Variants in ANXA10 observed in about 807,000 individuals in gnomAD.
The protein encoded by ANXA10 is annexin A10, also known as annexin 14.
Under a neutral mutation model 53.5 loss-of-function variants are expected in ANXA10, and 49 were observed. The ratio of observed to expected loss-of-function variants is 0.92; its 90% CI spans 0.73 to 1.16. ANXA10 has a LOEUF of 1.16. Ranked by LOEUF, ANXA10 falls within the 50% of genes most tolerant of loss-of-function variation. The pLI, the probability that ANXA10 is intolerant of heterozygous loss-of-function variation, is 0.00. For missense variants in ANXA10, 393 were observed against 394.4 expected, an observed-to-expected ratio of 1.00 and a Z score of 0.03; for synonymous variants, 131 against 128.9, an observed-to-expected ratio of 1.02 and a Z score of -0.11.
At chr4:168,095,045 TATA>T (rs1437158245) in intron 1 of ANXA10, among the ~76,000 whole-genome samples, 5 of 152,082 alleles carry the variant, frequency 3.3e-5, no homozygotes, top group Non-Finnish European at 7.4e-5. Flanking sequence ...AAGATATTAT[TATA>T]ATATTATAAT....
intron 6 of ANXA10, among the ~76,000 whole-genome samples, chr4:168,166,648 G>A (rs1159643831): frequency 7.4e-6 from 1 of 135,002 alleles, no homozygotes; most frequent in African/African-American, 3.7e-5. Context: ...GTGTGTGTGT[G>A]TGTGTGTGTG....
At chr4:168,133,619 T>C (rs1731189541) in intron 2 of ANXA10, among the ~76,000 whole-genome samples, 1 of 152,122 alleles carries the variant, frequency 6.6e-6, no homozygotes, top group Non-Finnish European at 1.5e-5. Context: ...TAGTTTTCAA[T>C]GCTAACAAGA....
At chr4:168,143,228 T>G (rs2149472782) in intron 3 of ANXA10, among the ~76,000 whole-genome samples, 1 of 152,346 alleles carries the variant, frequency 6.6e-6, no homozygotes, top group East Asian at 1.9e-4. Context: ...TTCTTCCACC[T>G]GGCCAAGGTG....
chr4:168,094,256 A>G (rs1730508782), intron 1 of ANXA10, among the ~76,000 whole-genome samples: 2 of 152,194 alleles, frequency 1.3e-5, no homozygotes, highest in South Asian at 4.1e-4. Flanking sequence ...AAGCAAATAA[A>G]GAAAACTGAA....
At chr4:168,111,528 A>G (rs575230555) in intron 1 of ANXA10, among the ~76,000 whole-genome samples, 3 of 152,330 alleles carry the variant, frequency 2.0e-5, no homozygotes, top group African/African-American at 7.2e-5. Context: ...CACTTTACAG[A>G]GGACACAACA....
At position 168,158,606 on chromosome 4, in the gene ANXA10, G is replaced by A. The variant is rs142742697; in HGVS notation, c.196-3922G>A. 3.1e-3 allele frequency among the ~76,000 whole-genome samples: 465 copies of A among 152,226 alleles called. 2 individuals are homozygous for A. Among genetic ancestry groups the A allele is most frequent in the Middle Eastern group, 0.01 (3 of 294 alleles). On this transcript the variant is annotated intron_variant, in intron 3 of 11. Coordinates refer to ENST00000359299, the MANE Select transcript of ANXA10 (RefSeq NM_007193.5). ...AAATTGAAATAGAATATATCAGTAAGAGCAGACATCCTTGCCTTGTTCTCA... is the reference window on the plus strand; with the variant it reads ...AAATTGAAATAGAATATATCAGTAAAAGCAGACATCCTTGCCTTGTTCTCA...
chr4:168,099,905 G>T (rs1304830805), intron 1 of ANXA10, among the ~76,000 whole-genome samples: 1 of 152,086 alleles, frequency 6.6e-6, no homozygotes, highest in African/African-American at 2.4e-5. Context: ...TAAACTGTCT[G>T]CCAACAATAA....
chr4:168,149,226 C>T (rs1731454937), intron 3 of ANXA10, among the ~76,000 whole-genome samples: 1 of 152,180 alleles, frequency 6.6e-6, no homozygotes, highest in African/African-American at 2.4e-5. Context: ...TCCACATTCT[C>T]TCCTACTGTA....
At chr4:168,127,687 C>A (rs1731090287) in intron 1 of ANXA10, 3 of 413,594 alleles carry the variant, frequency 7.3e-6, no homozygotes, top group East Asian at 1.3e-4. Context: ...TGAACTCAAC[C>A]AAATTTTCTC....
intron 3 of ANXA10, among the ~76,000 whole-genome samples, chr4:168,146,115 G>T (rs770697626): frequency 5.3e-5 from 8 of 152,064 alleles, no homozygotes; most frequent in Non-Finnish European, 1.0e-4. Context: ...CACCATGTTG[G>T]CCAGGCTGGT....
chr4:168,158,450 C>T (rs1004806211), intron 3 of ANXA10, among the ~76,000 whole-genome samples: 1 of 152,072 alleles, frequency 6.6e-6, no homozygotes, highest in Non-Finnish European at 1.5e-5. Context: ...ATCATTTTTT[C>T]ATATATTGTT....
At chr4:168,097,844 C>T (rs1730576921) in intron 1 of ANXA10, among the ~76,000 whole-genome samples, 1 of 152,018 alleles carries the variant, frequency 6.6e-6, no homozygotes, top group African/African-American at 2.4e-5. Context: ...TAAAAGTCAG[C>T]AAAGAGGATA....
At chr4:168,097,053 G>A (rs1730561197) in intron 1 of ANXA10, among the ~76,000 whole-genome samples, 1 of 151,418 alleles carries the variant, frequency 6.6e-6, no homozygotes, top group South Asian at 2.1e-4. Flanking sequence ...TATATTTTCT[G>A]TTGTACTTAG....
intron 3 of ANXA10, among the ~76,000 whole-genome samples, chr4:168,149,369 C>T (rs1333090857): frequency 6.6e-6 from 1 of 152,140 alleles, no homozygotes; most frequent in East Asian, 1.9e-4. Context: ...TGTATTTTCC[C>T]AATGTGCTGA....
chr4:168,157,838 T>C (rs1228075382), intron 3 of ANXA10, among the ~76,000 whole-genome samples: 3 of 152,234 alleles, frequency 2.0e-5, no homozygotes, highest in Non-Finnish European at 4.4e-5. Context: ...TATACCAATA[T>C]TTGTTTATTC....
intron 6 of ANXA10, among the ~76,000 whole-genome samples, chr4:168,168,573 C>T (rs963908876): frequency 2.6e-5 from 4 of 152,120 alleles, no homozygotes; most frequent in African/African-American, 9.7e-5. Context: ...GCACGTGCCA[C>T]CAAGCCCAGC....
chr4:168,107,047 C>T (rs184710555), intron 1 of ANXA10, among the ~76,000 whole-genome samples: 7 of 152,148 alleles, frequency 4.6e-5, no homozygotes, highest in Non-Finnish European at 1.0e-4. Flanking sequence ...GAATACTATC[C>T]CCCACATTGC....
intron 10 of ANXA10, among the ~76,000 whole-genome samples, chr4:168,184,261 T>C (rs2149482603): frequency 6.6e-6 from 1 of 152,230 alleles, no homozygotes; most frequent in South Asian, 2.1e-4. Context: ...GGAGCAACTA[T>C]TGCAGAATCA....
At position 168,139,599 on chromosome 4, in the gene ANXA10, G is replaced by T. The variant is rs780267773; in HGVS notation, c.195+19G>T. The stretch of plus-strand genomic sequence containing the variant: ...TGGCCGGGTAAGGCCACTTTATCTT[G>T]ACCTATTTCTAGGGCAATCTCTTGA... On this transcript the variant is annotated intron_variant, in intron 3 of 11. Transcript: ENST00000359299. 3.1e-6 allele frequency: 5 copies of T among 1,591,032 alleles called. No homozygotes were observed. The South Asian group carries it at 4.5e-5, about 14-fold the overall frequency.
Sources: gnomAD v4.1 joint callset for allele counts (sites outside exome capture counted in the v4.1 genomes callset) on GRCh38, gnomAD v4.1.1 for gene constraint, MANE v1.5 for transcripts, NCBI Gene and HGNC (gene_info 2026-07-23, HGNC 2026-07-21) for gene names.